Variants in MMP9 observed in about 807,000 individuals in gnomAD.
MMP9 encodes matrix metalloproteinase-9.
In MMP9, 73 loss-of-function variants were observed where a neutral mutation model predicts 76.4. That is an observed-to-expected ratio of 0.96 (90% CI 0.79 to 1.16). MMP9 has a LOEUF of 1.16. Ranked by LOEUF, MMP9 falls within the 50% of genes most tolerant of loss-of-function variation. The pLI is 0.00. For missense variants in MMP9, 943 were observed against 973.0 expected (o/e 0.97, Z 0.41); for synonymous variants, 412 against 408.4 (o/e 1.01, Z -0.11).
chr20:46,013,201 G>C lies in MMP9; in HGVS notation c.1331-54G>C. ...GAAGCTTAGGGGAGCAGATGTTCTA[G>C]GGGTACAGAGGTATGCAGGAATAGG... On this transcript the variant is annotated intron_variant, in intron 8 of 12. Transcript: ENST00000372330. This position sits in a 1 kb window ranked among gnomAD's most constrained non-coding sequence, Gnocchi z 4.5. 6.2e-7 allele frequency: 1 copy of C among 1,608,522 alleles called. No individual in the cohort carries two copies. Among genetic ancestry groups the C allele is most frequent in the Non-Finnish European group, 8.5e-7 (1 of 1,175,210 alleles).
intron 6 of MMP9, 116 bp from the exon 7 acceptor site, chr20:46,012,021 G>T: frequency 7.3e-7 from 1 of 1,366,684 alleles, no homozygotes; most frequent in Non-Finnish European, 1.0e-6. Flanking sequence ...CTCTTCTCAG[G>T]AGTGCTCTAC....
At position 46,009,878 on chromosome 20, in the gene MMP9, C is replaced by T. The variant is rs139620474; in HGVS notation, c.151C>T (p.Arg51Cys). ...DRQLAEEYLY[R>C]YGYTRVAEMR... is the part of the protein sequence containing the mutation. ...CCTTCATCCACAGGAATACCTGTAC[C>T]GCTATGGTTACACTCGGGTGGCAGA... is the stretch of plus-strand genomic sequence containing the variant. The change falls in exon 2 of 13, where the codon CGC (arginine) becomes TGC (cysteine). Residue 51 changes from arginine (R) to cysteine (C), a missense_variant. Physicochemically the swap from Arg to Cys is radical, Grantham distance 180 (BLOSUM62 -3). Transcript: ENST00000372330. 83 of 1,551,794 alleles carry T rather than the reference C, an allele frequency of 5.3e-5. No homozygotes were observed. The highest frequency in any genetic ancestry group is 3.4e-4 in the East Asian group (14 of 40,940).
Position 46,016,288 on chromosome 20 carries a change from G to A in MMP9, c.2044G>A (p.Val682Met), listed in dbSNP as rs137904662. Residue 682 changes from valine (V) to methionine (M), a missense_variant, in exon 13 of 13, where the codon GTG becomes ATG. Transcript: ENST00000372330. The stretch of plus-strand genomic sequence containing the variant: ...CTGCCAGGACCGCTTCTACTGGCGC[G>A]TGAGTTCCCGGAGTGAGTTGAACCA... ...YFCQDRFYWRVSSRSELNQVD... is the reference protein window; with the variant it reads ...YFCQDRFYWRMSSRSELNQVD... 6.3e-5 allele frequency: 102 copies of A among 1,614,230 alleles called. No individual in the cohort carries two copies. In the African/African-American group the frequency reaches 1.0e-3, roughly 16 times the overall value.
intron 12 of MMP9, among the ~76,000 whole-genome samples, chr20:46,015,227 C>G (rs2084311574): frequency 6.6e-6 from 1 of 152,132 alleles, no homozygotes; most frequent in Non-Finnish European, 1.5e-5. Context: ...ACACTGGCTG[C>G]TCTTTGAACA....
rs146257732 is a variant in MMP9 at position 46,015,150 on chromosome 20, G to A, written c.2005+676G>A. Among the ~76,000 whole-genome samples, 878 of 152,264 alleles carry A rather than the reference G, an allele frequency of 5.8e-3. 7 individuals carry two copies. Among genetic ancestry groups the A allele is most frequent in the Non-Finnish European group, 9.9e-3 (676 of 68,026 alleles). On this transcript the variant is annotated intron_variant, in intron 12 of 12. Coordinates refer to ENST00000372330, the MANE Select transcript of MMP9 (RefSeq NM_004994.3). ...ATTCCAAGGTCAAAGAAATTAAGAG[G>A]ATCTGACACTCCACCCCCGTGTTCT...
intron 8 of MMP9, 84 bp downstream of exon 8, chr20:46,012,666 G>A: frequency 6.5e-7 from 1 of 1,540,668 alleles, no homozygotes; most frequent in South Asian, 1.1e-5. Context: ...TGGGGATCGG[G>A]GGAGGAACGG....
intron 12 of MMP9, among the ~76,000 whole-genome samples, chr20:46,015,936 GAATGAGCGTTGA>G (rs1287635769): frequency 6.6e-6 from 1 of 152,232 alleles, no homozygotes; most frequent in Non-Finnish European, 1.5e-5. Flanking sequence ...TTTGTTCAAT[GAATGAGCGTTGA>G]ATGAATTGTT....
Position 46,013,227 on chromosome 20 carries a change from A to G in MMP9, c.1331-28A>G, listed in dbSNP as rs773869102. 48 of 1,613,716 alleles carry G rather than the reference A, an allele frequency of 3.0e-5. 1 individual carries two copies. The East Asian group carries it at 1.0e-3, about 35-fold the overall frequency. The stretch of plus-strand genomic sequence containing the variant: ...GGGTACAGAGGTATGCAGGAATAGG[A>G]AGAGTCTCACCCCGTGTCTCTTTTT... On this transcript the variant is annotated intron_variant, in intron 8 of 12. Coordinates refer to ENST00000372330, the MANE Select transcript of MMP9 (RefSeq NM_004994.3). The surrounding 1 kb of genome is among the most constrained non-coding windows in gnomAD (Gnocchi z 4.5).
rs190391221 is a variant in MMP9, at chr20:46,013,125, G to T, written c.1331-130G>T. On this transcript the variant is annotated intron_variant, in intron 8 of 12. Transcript: ENST00000372330. The surrounding 1 kb of genome is among the most constrained non-coding windows in gnomAD (Gnocchi z 4.5). Reference sequence around the variant, plus strand: ...AGAAGAAGAAAGTCCTGTGGTTTGGGAAGGGAGGCTGAGTGAGGAGGGGCC... The same window carrying T: ...AGAAGAAGAAAGTCCTGTGGTTTGGTAAGGGAGGCTGAGTGAGGAGGGGCC... 18 of 1,078,516 alleles carry T rather than the reference G, an allele frequency of 1.7e-5. No homozygotes were observed. The Admixed American group carries it at 2.9e-4, about 17-fold the overall frequency. The allele number at this position is 1,078,516 out of a possible 1,614,324, so 66.8% of individuals were successfully genotyped here.
chr20:46,009,497 T>C (rs3918249), intron 1 of MMP9, among the ~76,000 whole-genome samples: 63,167 of 151,842 alleles, frequency 0.42, 13,873 homozygotes, highest in East Asian at 0.73. Context: ...TTATTAAATG[T>C]TAGTCCCTGC....
chr20:46,013,800 A>C lies in MMP9; in HGVS notation c.1750+4A>C, dbSNP rs1171907836. ...AAGAAGCTTTTCTTCTTCTCTGGTT[A>C]GTTACCTACTTTCCCTCCCCCGCCC... is the stretch of plus-strand genomic sequence containing the variant. On this transcript the variant is annotated splice_donor_region_variant and intron_variant, in intron 10 of 12. Coordinates refer to ENST00000372330, the MANE Select transcript of MMP9 (RefSeq NM_004994.3). This position sits in a 1 kb window ranked among gnomAD's most constrained non-coding sequence, Gnocchi z 4.5. 1 of 1,612,238 alleles carries C rather than the reference A, an allele frequency of 6.2e-7. No individual in the cohort carries two copies. The highest frequency in any genetic ancestry group is 8.5e-7 in the Non-Finnish European group (1 of 1,179,930).
Position 46,012,146 on chromosome 20 carries a change from C to A in MMP9, c.1007C>A (p.Thr336Lys), listed in dbSNP as rs764068837. 6.2e-7 allele frequency: 1 copy of A among 1,614,002 alleles called. No individual in the cohort carries two copies. Among genetic ancestry groups the A allele is most frequent in the African/African-American group, 1.3e-5 (1 of 75,038 alleles). Reference protein sequence around the residue: ...FGFCPTRADSTVMGGNSAGEL... With the variant: ...FGFCPTRADSKVMGGNSAGEL... The stretch of plus-strand genomic sequence containing the variant: ...CCTTGGGTCTCTCCAGCTGACTCGA[C>A]GGTGATGGGGGGCAACTCGGCGGGG... The change falls in exon 7 of 13, where the codon ACG becomes AAG. Residue 336 changes from threonine to lysine, a missense_variant. By Grantham distance (78) the Thr-to-Lys change is moderately conservative. Coordinates refer to ENST00000372330, the MANE Select transcript of MMP9 (RefSeq NM_004994.3).
In MMP9 at chr20:46,016,376, G is replaced by C. The variant is rs368487580; in HGVS notation, c.*8G>C. On this transcript the variant is annotated 3_prime_UTR_variant, in exon 13 of 13. Coordinates refer to ENST00000372330, the MANE Select transcript of MMP9 (RefSeq NM_004994.3). Reference sequence around the variant, plus strand: ...CAGTGCCCTGAGGACTAGGGCTCCCGTCCTGCTTTGGCAGTGCCATGTAAA... The same window carrying C: ...CAGTGCCCTGAGGACTAGGGCTCCCCTCCTGCTTTGGCAGTGCCATGTAAA... 1.2e-6 allele frequency: 2 copies of C among 1,609,710 alleles called. No homozygotes were observed. Among genetic ancestry groups the C allele is most frequent in the Middle Eastern group, 3.3e-4 (2 of 6,048 alleles).
In MMP9 at chr20:46,009,043, C is replaced by A. The variant is rs1214395858; in HGVS notation, c.117C>A (p.Leu39=). 1 of 1,613,746 alleles carries A rather than the reference C, an allele frequency of 6.2e-7. No homozygotes were observed. Among genetic ancestry groups the A allele is most frequent in the African/African-American group, 1.3e-5 (1 of 74,908 alleles). Reference sequence around the variant, plus strand: ...TCCCTGGAGACCTGAGAACCAATCTCACCGACAGGCAGCTGGCAGAGGTGG... The same window carrying A: ...TCCCTGGAGACCTGAGAACCAATCTAACCGACAGGCAGCTGGCAGAGGTGG... ...VLFPGDLRTN[L]TDRQLAEEYL... The change falls in exon 1 of 13, where the codon CTC becomes CTA. Residue 39 remains leucine, a synonymous_variant. Transcript: ENST00000372330.
chr20:46,015,161 C>T (rs1424013586), intron 12 of MMP9, among the ~76,000 whole-genome samples: 21 of 152,220 alleles, frequency 1.4e-4, no homozygotes, highest in Non-Finnish European at 2.4e-4. Flanking sequence ...ATCTGACACT[C>T]CACCCCCGTG....
At chr20:46,014,512 C>T in intron 12 of MMP9, 38 bp downstream of exon 12, 1 of 1,526,798 alleles carries the variant, frequency 6.5e-7, no homozygotes, top group Non-Finnish European at 8.9e-7. Flanking sequence ...AGACACCACA[C>T]TAAGCTCCTC....
rs6032624 is a variant in MMP9 at position 46,015,118 on chromosome 20, C to T, written c.2005+644C>T. Among the ~76,000 whole-genome samples the T allele has an allele frequency of 9.8e-4, 149 of 152,290 alleles. 1 individual carries two copies. The highest frequency in any genetic ancestry group is 3.3e-3 in the African/African-American group (138 of 41,556). ...AGGGCAATGGTCTTGGGAGTGACCC[C>T]AGATGAATTCCAAGGTCAAAGAAAT... On this transcript the variant is annotated intron_variant, in intron 12 of 12. Transcript: ENST00000372330.
rs1440939649 is a variant in MMP9, at chr20:46,012,550, AG to A, written c.1300del (p.Asp434ThrfsTer3). 6.2e-7 allele frequency: 1 copy of A among 1,613,696 alleles called. No individual in the cohort carries two copies. Among genetic ancestry groups the A allele is most frequent in the African/African-American group, 1.3e-5 (1 of 74,844 alleles). On this transcript the variant is annotated frameshift_variant, in exon 8 of 13. Coordinates refer to ENST00000372330, the MANE Select transcript of MMP9 (RefSeq NM_004994.3). LOFTEE classifies it high-confidence loss of function. ...YRFTEGPPLH[K>X]DDVNGIRHLY... ...TTCACTGAGGGGCCCCCCTTGCATA[AG>A]GACGACGTGAATGGCATCCGGCACC...
intron 6 of MMP9, 41 bp downstream of exon 6, chr20:46,011,788 A>C: frequency 1.3e-6 from 2 of 1,582,524 alleles, no homozygotes; most frequent in Non-Finnish European, 1.7e-6. Flanking sequence ...CCGCCCTCTC[A>C]TCATGTATTG....
Sources: allele counts gnomAD v4.1 joint callset (sites outside exome capture counted in the v4.1 genomes callset), GRCh38; gene constraint gnomAD v4.1.1; non-coding constraint Gnocchi (gnomAD v3.1); transcripts MANE v1.5; gene names NCBI Gene and HGNC (gene_info 2026-07-23, HGNC 2026-07-21).